Variants in COX15 observed in about 807,000 individuals in gnomAD.
COX15 encodes the protein cytochrome c oxidase assembly factor COX15, also known as heme A synthase COX15.
COX15 carries 51 observed loss-of-function variants against 51.9 expected under a neutral mutation model. The ratio of observed to expected loss-of-function variants is 0.98; its 90% CI spans 0.78 to 1.24. The LOEUF (loss-of-function observed/expected upper bound fraction) is 1.24. Ranked by LOEUF, COX15 falls within the 50% of genes most tolerant of loss-of-function variation. The pLI is 0.00. For missense variants in COX15, 420 were observed against 501.1 expected (o/e 0.84, Z 1.55); for synonymous variants, 188 against 190.5 (o/e 0.99, Z 0.11).
downstream of COX15, chr10:99,710,157 G>T: frequency 1.0e-6 from 1 of 985,332 alleles, no homozygotes; most frequent in Middle Eastern, 5.2e-4. Flanking sequence ...CCACTCCAAG[G>T]CAGCCCTGGT....
intron 2 of COX15, 42 bp downstream of exon 2, chr10:99,729,511 T>C (rs1374907046): frequency 1.9e-6 from 3 of 1,578,392 alleles, no homozygotes; most frequent in Non-Finnish European, 2.6e-6. Flanking sequence ...GTGCTTCTAC[T>C]GATGATCCAA....
intron 1 of COX15, among the ~76,000 whole-genome samples, chr10:99,730,096 G>A (rs536643222): frequency 4.8e-4 from 73 of 152,170 alleles, no homozygotes; most frequent in Non-Finnish European, 7.5e-4. Flanking sequence ...GCAGATCTCC[G>A]CTTACATGTC....
intron 8 of COX15, 48 bp downstream of exon 8, chr10:99,716,300 T>A: frequency 7.2e-7 from 1 of 1,392,870 alleles, no homozygotes; most frequent in South Asian, 1.2e-5. Context: ...GCCCCTTTTT[T>A]AACTTTGTAT....
At chr10:99,702,478 CT>C in the COX15 span, 1 of 1,501,416 alleles carries the variant, frequency 6.7e-7, no homozygotes, top group Non-Finnish European at 8.9e-7. Flanking sequence ...ATTCTTTTCT[CT>C]TTTTTTAAAA....
At chr10:99,721,907 A>G (rs1418204763) in intron 5 of COX15, among the ~76,000 whole-genome samples, 1 of 152,220 alleles carries the variant, frequency 6.6e-6, no homozygotes, top group South Asian at 2.1e-4. Flanking sequence ...TTTGTCGCCC[A>G]GACTGGAGTG....
At chr10:99,704,424 C>T in the COX15 span, 10 of 1,610,406 alleles carry the variant, frequency 6.2e-6, no homozygotes, top group Admixed American at 5.0e-5. Flanking sequence ...CAGTTTTTTC[C>T]ACCTACAAAT....
chr10:99,710,626 G>C (rs1352304283), downstream of COX15: 2 of 985,222 alleles, frequency 2.0e-6, no homozygotes, highest in African/African-American at 1.7e-5. Context: ...ATGTTAGAGA[G>C]GTGATGCATT....
Position 99,729,669 on chromosome 10 carries a change from T to C in COX15, c.156A>G (p.Gln52=). 1 of 1,614,104 alleles carries C rather than the reference T, an allele frequency of 6.2e-7. No homozygotes were observed. Among genetic ancestry groups the C allele is most frequent in the African/African-American group, 1.3e-5 (1 of 75,032 alleles). ...GAAGGGACACTGTACCCCTTCCAGA[T>C]TGCAAAGCTACTTCAGAGATGGTGC... ...QYSTISEVAL[Q]SGRGTVSLPS... Residue 52 remains glutamine, a synonymous_variant, in exon 2 of 9, where the codon CAA becomes CAG. Transcript: ENST00000016171.
chr10:99,707,184 A>G (rs1408940763), downstream of COX15, among the ~76,000 whole-genome samples: 1 of 152,032 alleles, frequency 6.6e-6, no homozygotes, highest in African/African-American at 2.4e-5. Context: ...TTAATGTGTT[A>G]TTTCCTGTTC....
At chr10:99,708,858 T>C, downstream of COX15, 1 of 985,444 alleles carries the variant, frequency 1.0e-6, no homozygotes, top group Non-Finnish European at 1.2e-6. Context: ...GAAATGCTCA[T>C]TAACAGAATC....
chr10:99,706,337 T>C (rs1395423347), downstream of COX15: 1 of 47,588 alleles, frequency 2.1e-5, no homozygotes, highest in East Asian at 3.0e-4. Flanking sequence ...ACTCTGTTCC[T>C]TTTTTTTTTT....
Position 99,723,968 on chromosome 10 carries a change from G to T in COX15, c.738C>A (p.Leu246=). The T allele has an allele frequency of 6.2e-7, 1 of 1,613,890 alleles. No homozygotes were observed. Among genetic ancestry groups the T allele is most frequent in the South Asian group, 1.1e-5 (1 of 91,062 alleles). Residue 246 remains leucine, a synonymous_variant, in exon 5 of 9, where the codon CTC becomes CTA. Coordinates refer to ENST00000016171, the MANE Select transcript of COX15 (RefSeq NM_078470.6). The stretch of plus-strand genomic sequence containing the variant: ...ACACAACTCTTACCTTGTGCGGAGG[G>T]AGTAGCAGTGACAGTGAGGTCCACA... ...ASLWTSLSLL[L]PPHKLPETHQ... is the part of the protein sequence containing the mutation.
At chr10:99,723,785 T>C in intron 5 of COX15, among the ~76,000 whole-genome samples, 171 bp downstream of exon 5, 1 of 152,192 alleles carries the variant, frequency 6.6e-6, no homozygotes, top group East Asian at 1.9e-4. Flanking sequence ...GGATATTTCT[T>C]GTTGTTGGTA....
downstream of COX15, among the ~76,000 whole-genome samples, chr10:99,707,551 A>G (rs1376465997): frequency 1.3e-5 from 2 of 152,236 alleles, no homozygotes; most frequent in African/African-American, 4.8e-5. Context: ...TCCCATGAAG[A>G]TAATTATGGT....
At position 99,712,987 on chromosome 10, in the gene COX15, G is replaced by T; in HGVS notation, c.*1600C>A. 9.8e-7 allele frequency: 1 copy of T among 1,024,900 alleles called. No homozygotes were observed. Among genetic ancestry groups the T allele is most frequent in the Non-Finnish European group, 1.2e-6 (1 of 847,206 alleles). The allele number at this position is 1,024,900 out of a possible 1,614,324, so 63.5% of individuals were successfully genotyped here. On this transcript the variant is annotated 3_prime_UTR_variant, in exon 9 of 9. Transcript: ENST00000016171. ...CCTAGTTCCTTCACCTATTCCCTGT[G>T]TGACAGGGGTTCTGGACTCATCATT... is the stretch of plus-strand genomic sequence containing the variant.
At chr10:99,728,408 G>A (rs374655835) in intron 2 of COX15, among the ~76,000 whole-genome samples, 1 of 152,126 alleles carries the variant, frequency 6.6e-6, no homozygotes, top group African/African-American at 2.4e-5. Flanking sequence ...AGGATTTGGG[G>A]GACCAATTTA....
the COX15 span, among the ~76,000 whole-genome samples, chr10:99,699,798 T>TA: frequency 6.6e-6 from 1 of 152,166 alleles, no homozygotes; most frequent in African/African-American, 2.4e-5. Context: ...ACTCCTGGCC[T>TA]CAGGTGATCT....
At chr10:99,718,557 T>C in intron 6 of COX15, 57 bp from the exon 7 acceptor site, 1 of 1,562,958 alleles carries the variant, frequency 6.4e-7, no homozygotes, top group Admixed American at 1.7e-5. Flanking sequence ...GACCAAATAC[T>C]AGTTCTGATA....
intron 1 of COX15, among the ~76,000 whole-genome samples, chr10:99,730,906 A>C (rs2037117740): frequency 2.0e-5 from 3 of 152,102 alleles, no homozygotes; most frequent in Admixed American, 2.0e-4. Context: ...CTATTTTTTC[A>C]AAAATTAGGC....
Sources: gnomAD v4.1 joint callset for allele counts (sites outside exome capture counted in the v4.1 genomes callset) on GRCh38, gnomAD v4.1.1 for gene constraint, MANE v1.5 for transcripts, NCBI Gene and HGNC (gene_info 2026-07-23, HGNC 2026-07-21) for gene names.